The following KCNK13 variants were observed in gnomAD, a reference collection of about 807,000 sequenced individuals.
The protein encoded by KCNK13 is potassium two pore domain channel subfamily K member 13, also known as potassium channel subfamily K member 13.
A neutral mutation model predicts 23.4 loss-of-function variants in KCNK13; 12 were observed. The ratio of observed to expected loss-of-function variants is 0.51; its 90% CI spans 0.33 to 0.83. The LOEUF (loss-of-function observed/expected upper bound fraction) is 0.83. Ranked by LOEUF, KCNK13 falls within the 40% of genes least tolerant of loss-of-function variation. The pLI, the probability that KCNK13 is intolerant of heterozygous loss-of-function variation, is 0.02. For missense variants in KCNK13, 463 were observed against 556.3 expected (o/e 0.83, Z 1.69); for synonymous variants, 231 against 229.5 (o/e 1.01, Z -0.06).
intron 1 of KCNK13, among the ~76,000 whole-genome samples, chr14:90,111,077 C>T (rs1489760552): frequency 6.6e-6 from 1 of 152,034 alleles, no homozygotes; most frequent in African/African-American, 2.4e-5. Flanking sequence ...GAACTCCCTG[C>T]ATTAGCCTAT....
At chr14:90,143,464 A>C (rs1890038716) in intron 1 of KCNK13, among the ~76,000 whole-genome samples, 1 of 152,112 alleles carries the variant, frequency 6.6e-6, no homozygotes. Context: ...TTTGTAAAGA[A>C]TCAGTTGACC....
chr14:90,092,725 G>A (rs1182609832), intron 1 of KCNK13, among the ~76,000 whole-genome samples: 1 of 151,932 alleles, frequency 6.6e-6, no homozygotes, highest in African/African-American at 2.4e-5. Flanking sequence ...ACCAGCCTGG[G>A]CAACATAGCA....
intron 1 of KCNK13, among the ~76,000 whole-genome samples, chr14:90,135,242 T>C (rs1242600912): frequency 6.6e-6 from 1 of 152,146 alleles, no homozygotes; most frequent in Admixed American, 6.5e-5. Flanking sequence ...GAAAACTCTT[T>C]ATGTGCTTGA....
intron 1 of KCNK13, among the ~76,000 whole-genome samples, chr14:90,134,892 A>G (rs4453396): frequency 0.099 from 15,072 of 152,310 alleles, 1,062 homozygotes; most frequent in Admixed American, 0.25. Context: ...AACAGGAACT[A>G]CTGAGAAGAA....
chr14:90,072,730 G>A (rs1889090873), intron 1 of KCNK13, among the ~76,000 whole-genome samples: 1 of 152,172 alleles, frequency 6.6e-6, no homozygotes, highest in Non-Finnish European at 1.5e-5. Context: ...CTATAAGTAT[G>A]TATGGACTAT....
chr14:90,120,641 C>A (rs1889728248), intron 1 of KCNK13, among the ~76,000 whole-genome samples: 1 of 152,182 alleles, frequency 6.6e-6, no homozygotes, highest in South Asian at 2.1e-4. Flanking sequence ...CCGCATGATT[C>A]ATTTACCTCC....
chr14:90,129,322 G>A (rs1057187242), intron 1 of KCNK13, among the ~76,000 whole-genome samples: 1 of 152,142 alleles, frequency 6.6e-6, no homozygotes, highest in African/African-American at 2.4e-5. Context: ...GAACACTCTT[G>A]GCAGATGTCT....
chr14:90,107,020 CA>C (rs1238739799), intron 1 of KCNK13, among the ~76,000 whole-genome samples: 1 of 151,442 alleles, frequency 6.6e-6, no homozygotes, highest in East Asian at 1.9e-4. Context: ...GACTCCATCT[CA>C]AAAAAAAGAA....
rs368508124 is a variant in KCNK13 at position 90,071,521 on chromosome 14, T to C, written c.334+8982T>C. 4.7e-4 allele frequency among the ~76,000 whole-genome samples: 72 copies of C among 152,304 alleles called. No homozygotes were observed. In the South Asian group the frequency reaches 0.014, roughly 30 times the overall value. Reference sequence around the variant, plus strand: ...CCACATCTCTCTGTGCTCCCTGTTATCAGGATTGACTTCACTTCTGCAACA... The same window carrying C: ...CCACATCTCTCTGTGCTCCCTGTTACCAGGATTGACTTCACTTCTGCAACA... On this transcript the variant is annotated intron_variant, in intron 1 of 1. Coordinates refer to ENST00000282146, the MANE Select transcript of KCNK13 (RefSeq NM_022054.4).
chr14:90,131,833 G>A (rs1219664935), intron 1 of KCNK13, among the ~76,000 whole-genome samples: 1 of 152,220 alleles, frequency 6.6e-6, no homozygotes, highest in Non-Finnish European at 1.5e-5. Flanking sequence ...CATTGCTTGT[G>A]GGAATGTAAA....
intron 1 of KCNK13, among the ~76,000 whole-genome samples, chr14:90,142,328 T>TTTC: frequency 7.2e-6 from 1 of 139,416 alleles, no homozygotes; most frequent in African/African-American, 2.7e-5. Flanking sequence ...TTTTTTTTTT[T>TTTC]TTTTTTTTGA....
intron 1 of KCNK13, among the ~76,000 whole-genome samples, chr14:90,143,212 CT>C (rs60670249): frequency 1.5e-3 from 169 of 112,476 alleles, no homozygotes; most frequent in Non-Finnish European, 1.8e-3. Context: ...TCTTTCTTTT[CT>C]TTTTTTTTTT....
chr14:90,119,029 C>G (rs1388695742), intron 1 of KCNK13, among the ~76,000 whole-genome samples: 1 of 152,172 alleles, frequency 6.6e-6, no homozygotes, highest in Admixed American at 6.5e-5. Flanking sequence ...TGCACACAAA[C>G]TAGGAAACCT....
chr14:90,152,118 A>G (rs902410581), intron 1 of KCNK13, among the ~76,000 whole-genome samples: 2 of 152,176 alleles, frequency 1.3e-5, no homozygotes, highest in African/African-American at 4.8e-5. Context: ...GATGGGAGGT[A>G]ATTGAATCAT....
At chr14:90,137,943 G>A (rs1311723397) in intron 1 of KCNK13, among the ~76,000 whole-genome samples, 1 of 152,166 alleles carries the variant, frequency 6.6e-6, no homozygotes, top group Non-Finnish European at 1.5e-5. Flanking sequence ...GGTTCTCAAT[G>A]AGGAGTTGCT....
intron 1 of KCNK13, among the ~76,000 whole-genome samples, chr14:90,110,074 G>T (rs1274808955): frequency 1.3e-5 from 2 of 152,150 alleles, no homozygotes; most frequent in Non-Finnish European, 2.9e-5. Context: ...GCCGATCCTT[G>T]TGACAGCCAA....
intron 1 of KCNK13, among the ~76,000 whole-genome samples, chr14:90,169,356 GT>G (rs1210873952): frequency 6.6e-6 from 1 of 152,132 alleles, no homozygotes; most frequent in Non-Finnish European, 1.5e-5. Context: ...GTTATTTCTA[GT>G]ACTTTATTTC....
chr14:90,183,307 A>C (rs1890508941), intron 1 of KCNK13, among the ~76,000 whole-genome samples: 1 of 152,166 alleles, frequency 6.6e-6, no homozygotes, highest in South Asian at 2.1e-4. Context: ...AGATGGGTAG[A>C]TCTTGAGCAA....
intron 1 of KCNK13, among the ~76,000 whole-genome samples, chr14:90,104,883 A>G (rs1429981157): frequency 1.4e-5 from 2 of 145,056 alleles, no homozygotes; most frequent in Non-Finnish European, 3.0e-5. Flanking sequence ...TCTACCTCCC[A>G]GGTTCAAGCA....
Sources: gnomAD v4.1 joint callset for allele counts (sites outside exome capture counted in the v4.1 genomes callset) on GRCh38, gnomAD v4.1.1 for gene constraint, MANE v1.5 for transcripts, NCBI Gene and HGNC (gene_info 2026-07-23, HGNC 2026-07-21) for gene names.